The following PVT1 variants were observed in gnomAD, a reference collection of about 807,000 sequenced individuals.
PVT1 encodes Pvt1 oncogene, also known as CXCR4/PVT1 fusion.
At chr8:127,959,009 G>A (rs1445325948) in intron 3 of PVT1, among the ~76,000 whole-genome samples, 2 of 130,898 alleles carry the variant, frequency 1.5e-5, no homozygotes. Context: ...GGTCCTCATG[G>A]TTTGCTGCTG....
intron 2 of PVT1, among the ~76,000 whole-genome samples, chr8:127,876,164 G>C (rs923344184): frequency 1.4e-4 from 21 of 152,182 alleles, no homozygotes; most frequent in African/African-American, 4.8e-4. Context: ...GGAAGACTGG[G>C]AGAAGCCTTT....
At chr8:127,885,690 T>A (rs967430582) in intron 2 of PVT1, among the ~76,000 whole-genome samples, 5 of 152,158 alleles carry the variant, frequency 3.3e-5, no homozygotes, top group Admixed American at 2.6e-4. Context: ...ATTCAAAACA[T>A]CATACAACCT....
intron 4 of PVT1, chr8:128,008,823 T>C (rs1817278653): frequency 4.5e-6 from 2 of 449,176 alleles, no homozygotes; most frequent in Admixed American, 2.0e-5. Flanking sequence ...TCCCTGCAGG[T>C]TGGGGCCTGA....
At chr8:127,961,267 G>A (rs982055055) in intron 3 of PVT1, among the ~76,000 whole-genome samples, 2 of 152,226 alleles carry the variant, frequency 1.3e-5, no homozygotes, top group African/African-American at 4.8e-5. Context: ...AGGAAGACAA[G>A]ATCAGAGGGA....
chr8:127,939,246 C>A (rs371711242), intron 3 of PVT1, among the ~76,000 whole-genome samples: 1 of 152,148 alleles, frequency 6.6e-6, no homozygotes, highest in Admixed American at 6.5e-5. Context: ...GTGGCCCTTT[C>A]CCAACCAGCA....
At chr8:127,818,869 TTCTC>T (rs899657804) in intron 2 of PVT1, among the ~76,000 whole-genome samples, 5 of 137,076 alleles carry the variant, frequency 3.6e-5, no homozygotes, top group Non-Finnish European at 6.7e-5. Flanking sequence ...ACGCTGGTTA[TTCTC>T]TCTCTCTCTC....
At chr8:127,843,331 C>T (rs1178131833) in intron 2 of PVT1, among the ~76,000 whole-genome samples, 15 of 152,098 alleles carry the variant, frequency 9.9e-5, no homozygotes, top group South Asian at 2.1e-4. Context: ...CGCAACAGAG[C>T]GAGACTCTGT....
intron 3 of PVT1, among the ~76,000 whole-genome samples, chr8:127,984,562 G>A (rs1201885586): frequency 6.6e-6 from 1 of 152,236 alleles, no homozygotes. Context: ...AGACACTGCA[G>A]TACAATACTC....
intron 2 of PVT1, among the ~76,000 whole-genome samples, chr8:127,857,071 C>A (rs986149419): frequency 1.3e-5 from 2 of 151,998 alleles, no homozygotes; most frequent in African/African-American, 4.8e-5. Flanking sequence ...GCTAAAAATG[C>A]AAAAATTAGC....
intron 5 of PVT1, among the ~76,000 whole-genome samples, chr8:128,076,019 A>G (rs1258677678): frequency 6.6e-6 from 1 of 152,220 alleles, no homozygotes; most frequent in Non-Finnish European, 1.5e-5. Flanking sequence ...GTGTTGTCAG[A>G]GGGACCAGAG....
At chr8:127,797,671 T>C (rs556146724) in intron 2 of PVT1, among the ~76,000 whole-genome samples, 23 of 152,344 alleles carry the variant, frequency 1.5e-4, no homozygotes, top group Admixed American at 1.2e-3. Flanking sequence ...TAATAGTGCA[T>C]GTATAACATG....
intron 2 of PVT1, among the ~76,000 whole-genome samples, chr8:127,848,184 C>T (rs1251444548): frequency 1.3e-5 from 2 of 152,202 alleles, no homozygotes; most frequent in Non-Finnish European, 2.9e-5. Context: ...GGTAAAACGT[C>T]AGTTCTTATC....
chr8:128,067,067 G>A (rs751313248), intron 4 of PVT1, among the ~76,000 whole-genome samples: 11 of 152,130 alleles, frequency 7.2e-5, no homozygotes, highest in Non-Finnish European at 1.5e-4. Flanking sequence ...TGCAGCCACA[G>A]TGACCCTGCT....
At chr8:127,926,268 T>C (rs979589389) in intron 3 of PVT1, among the ~76,000 whole-genome samples, 1 of 152,228 alleles carries the variant, frequency 6.6e-6, no homozygotes, top group Admixed American at 6.5e-5. Context: ...GGGGCTGTTA[T>C]CATGCCTGAG....
At chr8:127,856,432 C>T (rs1480095152) in intron 2 of PVT1, among the ~76,000 whole-genome samples, 1 of 151,758 alleles carries the variant, frequency 6.6e-6, no homozygotes, top group Non-Finnish European at 1.5e-5. Context: ...ACCTCCGCCT[C>T]CCAGGTTCAA....
At chr8:127,985,770 G>A (rs116609897) in intron 3 of PVT1, among the ~76,000 whole-genome samples, 3,511 of 152,308 alleles carry the variant, frequency 0.023, 150 homozygotes, top group African/African-American at 0.082. Context: ...GCCATCTACA[G>A]CTCTTGCAGG....
At chr8:127,864,823 C>T (rs948787695) in intron 2 of PVT1, among the ~76,000 whole-genome samples, 7 of 152,196 alleles carry the variant, frequency 4.6e-5, no homozygotes, top group Non-Finnish European at 8.8e-5. Flanking sequence ...GCTGGGATTC[C>T]AGGCATGAGT....
At chr8:127,960,353 G>A (rs964402007) in intron 3 of PVT1, among the ~76,000 whole-genome samples, 1 of 152,120 alleles carries the variant, frequency 6.6e-6, no homozygotes, top group African/African-American at 2.4e-5. Context: ...TGCCTCCCTG[G>A]TCTTGCCTCC....
chr8:127,870,990 A>G (rs1364488746), intron 2 of PVT1, among the ~76,000 whole-genome samples: 1 of 152,206 alleles, frequency 6.6e-6, no homozygotes. Flanking sequence ...CTGTCCAGTG[A>G]CTAGGGAGGG....
Sources: gnomAD v4.1 joint callset for allele counts (sites outside exome capture counted in the v4.1 genomes callset) on GRCh38, gnomAD v4.1.1 for gene constraint, MANE v1.5 for transcripts, NCBI Gene and HGNC (gene_info 2026-07-23, HGNC 2026-07-21) for gene names.